C12orf42: variants seen among roughly 807,000 people sequenced by gnomAD.
The protein encoded by C12orf42 is uncharacterized protein C12orf42.
A neutral mutation model predicts 21.6 loss-of-function variants in C12orf42; 25 were observed. The ratio of observed to expected loss-of-function variants is 1.16; its 90% CI spans 0.84 to 1.62. C12orf42 has a LOEUF of 1.62. C12orf42 is among the 40% of genes most tolerant of loss of function. The probability of loss-of-function intolerance (pLI) is 0.00; values close to 1 mark genes in which losing one functional copy is unlikely to be tolerated. For missense variants in C12orf42, 483 were observed against 459.3 expected (o/e 1.05, Z -0.47); for synonymous variants, 174 against 175.0 (o/e 0.99, Z 0.05).
intron 2 of C12orf42, among the ~76,000 whole-genome samples, chr12:103,416,569 C>G (rs2049353233): frequency 6.6e-6 from 1 of 151,734 alleles, no homozygotes; most frequent in Admixed American, 6.6e-5. Flanking sequence ...GAGACCACCA[C>G]CAAAAAGGAT....
rs570366782 is a variant in C12orf42 at position 103,486,903 on chromosome 12, A to G, written c.-21-8456T>C. On this transcript the variant is annotated intron_variant, in intron 1 of 5. Coordinates refer to ENST00000548883, the MANE Select transcript of C12orf42 (RefSeq NM_198521.5). ...TCAATTTTATTGATCTTTTCAAAAAACCAGCTCCTGGATTCATTGATTTTT... is the reference window on the plus strand; with the variant it reads ...TCAATTTTATTGATCTTTTCAAAAAGCCAGCTCCTGGATTCATTGATTTTT... Among the ~76,000 whole-genome samples, 588 of 152,240 alleles carry G rather than the reference A, an allele frequency of 3.9e-3. 1 individual carries two copies. Among genetic ancestry groups the G allele is most frequent in the African/African-American group, 0.014 (567 of 41,526 alleles).
chr12:103,337,981 G>C (rs1183862743), intron 4 of C12orf42, among the ~76,000 whole-genome samples: 2 of 152,036 alleles, frequency 1.3e-5, no homozygotes, highest in African/African-American at 4.8e-5. Flanking sequence ...GTTTCTACAG[G>C]ATATTTTGAA....
rs542915846 is a variant in C12orf42, at chr12:103,389,810, C to T, written c.147+11797G>A. On this transcript the variant is annotated intron_variant, in intron 3 of 5. Transcript: ENST00000548883. The stretch of plus-strand genomic sequence containing the variant: ...CGAGGCTCAGTCTGATGCAGCTGGG[C>T]AGCATGCGTTGTGTCAGCGACTCTC... Among the ~76,000 whole-genome samples the T allele has an allele frequency of 2.0e-5, 3 of 152,268 alleles. No individual in the cohort carries two copies. The South Asian group carries it at 6.2e-4, about 32-fold the overall frequency.
rs559717357 is a variant in C12orf42, at chr12:103,336,035, T to C, written c.260-29690A>G. Among the ~76,000 whole-genome samples the C allele has an allele frequency of 5.9e-5, 9 of 152,334 alleles. No individual in the cohort carries two copies. In the South Asian group the frequency reaches 1.7e-3, roughly 28 times the overall value. ...TCAGTACCCAATTGGATGTTGGGAA[T>C]ACAATGCACAAACTTTCAGCAAGTA... On this transcript the variant is annotated intron_variant, in intron 4 of 5. Coordinates refer to ENST00000548883, the MANE Select transcript of C12orf42 (RefSeq NM_198521.5).
chr12:103,411,577 G>T (rs560394902), intron 2 of C12orf42, among the ~76,000 whole-genome samples: 1 of 152,262 alleles, frequency 6.6e-6, no homozygotes, highest in South Asian at 2.1e-4. Context: ...GGTCATCAGG[G>T]TGGAGCCCTC....
chr12:103,553,587 A>G, the C12orf42 span, among the ~76,000 whole-genome samples: 2 of 152,216 alleles, frequency 1.3e-5, no homozygotes, highest in Non-Finnish European at 2.9e-5. Flanking sequence ...TATTTATAAG[A>G]CCATAGTATT....
the C12orf42 span, among the ~76,000 whole-genome samples, chr12:103,220,634 A>T: frequency 5.9e-5 from 9 of 152,284 alleles, no homozygotes; most frequent in Admixed American, 2.0e-4. Context: ...TTAAAGAGAG[A>T]CAAAACACAC....
chr12:103,064,093 G>C, the C12orf42 span, among the ~76,000 whole-genome samples: 1 of 152,186 alleles, frequency 6.6e-6, no homozygotes, highest in Non-Finnish European at 1.5e-5. Flanking sequence ...GATTGGGATG[G>C]TGAAATGTAT....
chr12:103,162,707 T>A, the C12orf42 span: 1 of 152,198 alleles, frequency 6.6e-6, no homozygotes, highest in South Asian at 2.1e-4. Flanking sequence ...CATTTTTTTG[T>A]GTCACTAGTT....
At chr12:103,214,863 G>A in the C12orf42 span, among the ~76,000 whole-genome samples, 1 of 152,076 alleles carries the variant, frequency 6.6e-6, no homozygotes, top group African/African-American at 2.4e-5. Flanking sequence ...ACCATCCCCT[G>A]ACATCCTGAC....
chr12:103,392,703 T>C (rs200711993), intron 3 of C12orf42, among the ~76,000 whole-genome samples: 1 of 152,246 alleles, frequency 6.6e-6, no homozygotes, highest in Non-Finnish European at 1.5e-5. Context: ...AATTTGTTTA[T>C]TAGCTCTAAC....
the C12orf42 span, among the ~76,000 whole-genome samples, chr12:103,101,010 T>A: frequency 6.6e-6 from 1 of 152,162 alleles, no homozygotes; most frequent in African/African-American, 2.4e-5. Flanking sequence ...AAAACCAGGT[T>A]CGAATCCTGG....
downstream of C12orf42, chr12:103,267,531 T>A (rs2035231221): frequency 6.6e-6 from 1 of 152,134 alleles, no homozygotes; most frequent in Non-Finnish European, 1.5e-5. Flanking sequence ...AGACAAATAG[T>A]ATCACAATTG....
chr12:103,364,505 T>C (rs957271076), intron 4 of C12orf42, among the ~76,000 whole-genome samples: 4 of 151,564 alleles, frequency 2.6e-5, no homozygotes, highest in African/African-American at 9.7e-5. Flanking sequence ...CAGAACTAAA[T>C]GAAATTGAAA....
At chr12:103,102,407 G>A in the C12orf42 span, among the ~76,000 whole-genome samples, 1 of 152,116 alleles carries the variant, frequency 6.6e-6, no homozygotes, top group Non-Finnish European at 1.5e-5. Context: ...AACACTCAGT[G>A]TTAATCTAGA....
At chr12:103,207,103 C>T in the C12orf42 span, among the ~76,000 whole-genome samples, 2 of 152,182 alleles carry the variant, frequency 1.3e-5, no homozygotes, top group African/African-American at 4.8e-5. Flanking sequence ...GTTTAAGAGT[C>T]AGTGCATGAT....
chr12:103,334,317 A>G (rs965043245), intron 4 of C12orf42, among the ~76,000 whole-genome samples: 1 of 152,180 alleles, frequency 6.6e-6, no homozygotes, highest in African/African-American at 2.4e-5. Context: ...AGAACAAATA[A>G]GGAGTAATTT....
chr12:103,243,616 T>C (rs904760127), intron 10 of C12orf42, among the ~76,000 whole-genome samples: 1 of 152,182 alleles, frequency 6.6e-6, no homozygotes, highest in African/African-American at 2.4e-5. Flanking sequence ...TGATTGATGA[T>C]GCCTTTCTAG....
At chr12:103,506,816 TTATATATATATTTATATATTA>T in the C12orf42 span, among the ~76,000 whole-genome samples, 1 of 93,252 alleles carries the variant, frequency 1.1e-5, no homozygotes, top group African/African-American at 4.9e-5. Flanking sequence ...AAATACATGT[TTATATATATATTTATATATTA>T]TATATATATA....
Sources: allele counts gnomAD v4.1 joint callset (sites outside exome capture counted in the v4.1 genomes callset), GRCh38; gene constraint gnomAD v4.1.1; transcripts MANE v1.5; gene names NCBI Gene and HGNC (gene_info 2026-07-23, HGNC 2026-07-21).